Variants in TRAPPC13 observed in about 807,000 individuals in gnomAD.
TRAPPC13 encodes REV7-interacting novel NHEJ regulator 1.
A neutral mutation model predicts 54.0 loss-of-function variants in TRAPPC13; 39 were observed. The observed-to-expected ratio is 0.72, with a 90% CI of 0.56 to 0.94. The LOEUF (loss-of-function observed/expected upper bound fraction) is 0.94, where lower values mean the gene tolerates loss of function less well. Among genes scored for constraint, TRAPPC13 ranks in the 40% least tolerant of loss-of-function variants. The probability of loss-of-function intolerance (pLI) is 0.00; values close to 1 mark genes in which losing one functional copy is unlikely to be tolerated. For missense variants in TRAPPC13, 386 were observed against 488.1 expected (o/e 0.79, Z 1.97); for synonymous variants, 148 against 167.7 (o/e 0.88, Z 0.91).
At chr5:65,650,404 C>T (rs572865259) in intron 5 of TRAPPC13, among the ~76,000 whole-genome samples, 4 of 151,926 alleles carry the variant, frequency 2.6e-5, no homozygotes, top group African/African-American at 9.7e-5. Context: ...TCAAGTGATC[C>T]GCCCGCCTTG....
intron 4 of TRAPPC13, among the ~76,000 whole-genome samples, chr5:65,643,216 A>G (rs1756037197): frequency 6.6e-6 from 1 of 151,996 alleles, no homozygotes; most frequent in South Asian, 2.1e-4. Flanking sequence ...TTACATTCCA[A>G]TCAGCGTTGT....
chr5:65,642,587 T>C (rs918536211), intron 4 of TRAPPC13, among the ~76,000 whole-genome samples: 1 of 150,214 alleles, frequency 6.7e-6, no homozygotes, highest in Non-Finnish European at 1.5e-5. Context: ...TTTGATTCTT[T>C]GATTTATATT....
intron 3 of TRAPPC13, 23 bp from the exon 4 acceptor site, chr5:65,637,673 T>C (rs1292716377): frequency 1.5e-6 from 2 of 1,343,408 alleles, no homozygotes; most frequent in Non-Finnish European, 2.1e-6. Flanking sequence ...GATTTCTGCC[T>C]AAATACTTAT....
chr5:65,625,946 C>T (rs1561758776), intron 1 of TRAPPC13: 4 of 152,140 alleles, frequency 2.6e-5, no homozygotes, highest in South Asian at 4.1e-4. Context: ...TTGAGGAACG[C>T]CTTATCCTTC....
rs1266204920 is a variant in TRAPPC13 at position 65,637,403 on chromosome 5, G to A, written c.216-293G>A. 7.9e-5 allele frequency among the ~76,000 whole-genome samples: 12 copies of A among 151,906 alleles called. No individual in the cohort carries two copies. In the East Asian group the frequency reaches 9.7e-4, roughly 12 times the overall value. On this transcript the variant is annotated intron_variant, in intron 3 of 12. Coordinates refer to ENST00000399438, the MANE Select transcript of TRAPPC13 (RefSeq NM_024941.4). ...TCCCAGCACTTTGAGAGACTGAGGC[G>A]GGCGGATCATGAGATCAGGAGATCG...
At chr5:65,635,210 A>G (rs529003433) in intron 1 of TRAPPC13, 91 bp from the exon 2 acceptor site, 3 of 1,082,872 alleles carry the variant, frequency 2.8e-6, no homozygotes, top group South Asian at 1.5e-5. Context: ...TTATGTTAGT[A>G]TAAAATGGAT....
At chr5:65,651,927 G>A (rs1015773109) in intron 6 of TRAPPC13, among the ~76,000 whole-genome samples, 1 of 121,436 alleles carries the variant, frequency 8.2e-6, no homozygotes, top group Non-Finnish European at 1.6e-5. Flanking sequence ...GCAATGACGC[G>A]ATCTCAGCTC....
intron 2 of TRAPPC13, 105 bp from the exon 3 acceptor site, chr5:65,635,839 G>C: frequency 1.5e-6 from 1 of 649,478 alleles, no homozygotes; most frequent in South Asian, 2.7e-5. Context: ...TATCATCTTT[G>C]TCAAGAGGTT....
At chr5:65,633,224 T>C (rs1755611191) in intron 1 of TRAPPC13, among the ~76,000 whole-genome samples, 1 of 152,214 alleles carries the variant, frequency 6.6e-6, no homozygotes, top group Admixed American at 6.5e-5. Flanking sequence ...ACATTACTTA[T>C]ATTCTGAATT....
chr5:65,630,012 C>A, intron 1 of TRAPPC13: 10 of 1,535,880 alleles, frequency 6.5e-6, no homozygotes, highest in Non-Finnish European at 7.0e-6. Flanking sequence ...AATAATTGTA[C>A]TAAAAACGTT....
At position 65,649,658 on chromosome 5, in the gene TRAPPC13, T is replaced by C. The variant is rs765284290; in HGVS notation, c.429-1152T>C. On this transcript the variant is annotated intron_variant, in intron 5 of 12. Coordinates refer to ENST00000399438, the MANE Select transcript of TRAPPC13 (RefSeq NM_024941.4). ...ATTCCTTTTCTGATGTTTTGAGTGA[T>C]CTATTGGTGTTTTGCTTATTAACTT... is the stretch of plus-strand genomic sequence containing the variant. Among the ~76,000 whole-genome samples, 96 of 152,308 alleles carry C rather than the reference T, an allele frequency of 6.3e-4. 1 individual carries two copies. The Middle Eastern group carries it at 0.02, about 32-fold the overall frequency.
At chr5:65,629,476 T>C (rs944329176) in intron 1 of TRAPPC13, 10 of 1,428,724 alleles carry the variant, frequency 7.0e-6, no homozygotes, top group Admixed American at 2.8e-5. Flanking sequence ...AGGTCCTGTT[T>C]CCCTCTGATT....
chr5:65,650,372 G>C (rs984517031), intron 5 of TRAPPC13, among the ~76,000 whole-genome samples: 10 of 151,828 alleles, frequency 6.6e-5, no homozygotes, highest in African/African-American at 2.4e-4. Context: ...ATGTTTGCCA[G>C]GCTGCTCTCG....
At position 65,665,657 on chromosome 5, in the gene TRAPPC13, A is replaced by G. The variant is rs563133502; in HGVS notation, c.*1046A>G. 1.3e-5 allele frequency: 2 copies of G among 152,200 alleles called. No individual in the cohort carries two copies. Among genetic ancestry groups the G allele is most frequent in the East Asian group, 1.9e-4 (1 of 5,178 alleles). The allele number at this position is 152,200 out of a possible 1,614,324, so 9.4% of individuals were successfully genotyped here. The stretch of plus-strand genomic sequence containing the variant: ...TATAAGGTATATTTAAATAATTCCC[A>G]TCTTCTGATATGATTTTAAACTCTA... On this transcript the variant is annotated 3_prime_UTR_variant, in exon 13 of 13. Coordinates refer to ENST00000399438, the MANE Select transcript of TRAPPC13 (RefSeq NM_024941.4).
chr5:65,665,366 G>C lies in TRAPPC13; in HGVS notation c.*755G>C, dbSNP rs1757004114. ...CAGAAAAAGTTTGCTTAAAACAAAG[G>C]GGGTAGTCCTCTTATAACCTGATAT... On this transcript the variant is annotated 3_prime_UTR_variant, in exon 13 of 13. Transcript: ENST00000399438. 6.6e-6 allele frequency: 1 copy of C among 152,106 alleles called. No homozygotes were observed. Among genetic ancestry groups the C allele is most frequent in the Non-Finnish European group, 1.5e-5 (1 of 68,008 alleles). The allele number at this position is 152,106 out of a possible 1,614,324, so 9.4% of individuals were successfully genotyped here.
chr5:65,635,867 TCC>T, intron 2 of TRAPPC13, 75 bp from the exon 3 acceptor site: 1 of 861,018 alleles, frequency 1.2e-6, no homozygotes. Flanking sequence ...AAAATATCTC[TCC>T]CAGCTATTTC....
chr5:65,630,386 A>G (rs1244096655), intron 1 of TRAPPC13: 3 of 1,428,322 alleles, frequency 2.1e-6, no homozygotes, highest in East Asian at 5.0e-5. Context: ...TGAAATGAAT[A>G]TGGATTGAAA....
At chr5:65,642,794 G>T (rs747874736) in intron 4 of TRAPPC13, among the ~76,000 whole-genome samples, 1 of 152,132 alleles carries the variant, frequency 6.6e-6, no homozygotes, top group African/African-American at 2.4e-5. Context: ...GCGAGTTGCT[G>T]TAACTGCAGT....
chr5:65,636,437 T>G (rs181301294), intron 3 of TRAPPC13, among the ~76,000 whole-genome samples: 1 of 151,994 alleles, frequency 6.6e-6, no homozygotes, highest in Admixed American at 6.6e-5. Context: ...CCACCACGCC[T>G]AGGACATGAT....
Sources: allele counts gnomAD v4.1 joint callset (sites outside exome capture counted in the v4.1 genomes callset), GRCh38; gene constraint gnomAD v4.1.1; transcripts MANE v1.5; gene names NCBI Gene and HGNC (gene_info 2026-07-23, HGNC 2026-07-21).